Variants in CDH13 observed in about 807,000 individuals in gnomAD.
The protein encoded by CDH13 is cadherin 13.
Under a neutral mutation model 63.8 loss-of-function variants are expected in CDH13, and 24 were observed. The observed-to-expected ratio is 0.38, with a 90% CI of 0.27 to 0.53. The LOEUF (loss-of-function observed/expected upper bound fraction) is 0.53. Among genes scored for constraint, CDH13 ranks in the 20% least tolerant of loss-of-function variants. The pLI is 0.85. For synonymous variants in CDH13, 503 were observed against 355.3 expected, an observed-to-expected ratio of 1.42 and a Z score of -4.67; for missense variants, 1,049 against 903.1, an observed-to-expected ratio of 1.16 and a Z score of -2.07.
chr16:83,294,398 C>A (rs1447976945), intron 5 of CDH13, among the ~76,000 whole-genome samples: 1 of 152,058 alleles, frequency 6.6e-6, no homozygotes, highest in Non-Finnish European at 1.5e-5. Flanking sequence ...CTCCCAATTC[C>A]CTGCAACCAC....
At chr16:83,073,555 C>A (rs531382011) in intron 3 of CDH13, among the ~76,000 whole-genome samples, 17 of 152,158 alleles carry the variant, frequency 1.1e-4, no homozygotes, top group African/African-American at 4.1e-4. Context: ...TGAGCCCTCC[C>A]TAAAACTCTC....
intron 10 of CDH13, among the ~76,000 whole-genome samples, chr16:83,705,468 A>G (rs1344273604): frequency 1.3e-5 from 2 of 152,066 alleles, no homozygotes; most frequent in African/African-American, 4.8e-5. Flanking sequence ...TAAAAATACA[A>G]AAAATTAGCC....
chr16:82,663,848 T>C (rs1373979348), intron 1 of CDH13, among the ~76,000 whole-genome samples: 1 of 152,208 alleles, frequency 6.6e-6, no homozygotes, highest in African/African-American at 2.4e-5. Context: ...CTAGCTTACA[T>C]ACTATGTGAA....
intron 4 of CDH13, among the ~76,000 whole-genome samples, chr16:83,205,899 G>T (rs12932718): frequency 0.91 from 138,470 of 152,186 alleles, 63,976 homozygotes; most frequent in Non-Finnish European, 0.99. Context: ...CACGGTGCCC[G>T]GCCAAAGGAA....
chr16:83,629,400 A>AT (rs1165010240), intron 8 of CDH13, among the ~76,000 whole-genome samples: 23 of 152,302 alleles, frequency 1.5e-4, no homozygotes, highest in Admixed American at 1.0e-3. Flanking sequence ...TTATAAATGA[A>AT]TTTTCCCTCC....
chr16:82,983,410 C>T (rs765070598), intron 2 of CDH13, among the ~76,000 whole-genome samples: 2 of 152,072 alleles, frequency 1.3e-5, no homozygotes, highest in Non-Finnish European at 2.9e-5. Flanking sequence ...GAGATCTGAA[C>T]TTATATGTCA....
At chr16:83,376,165 A>G (rs926332391) in intron 6 of CDH13, among the ~76,000 whole-genome samples, 8 of 152,166 alleles carry the variant, frequency 5.3e-5, no homozygotes, top group African/African-American at 1.4e-4. Flanking sequence ...ATTTTAGCAA[A>G]TGAAGCTGCC....
Position 83,120,797 on chromosome 16 carries a change from C to T in CDH13, c.367-4588C>T, listed in dbSNP as rs540710563. ...TTTTTTTTCTGAGATGGAGTCTCAC[C>T]GTGTCACCCAGGCTGGAGTACAGTG... On this transcript the variant is annotated intron_variant, in intron 3 of 13. Coordinates refer to ENST00000567109, the MANE Select transcript of CDH13 (RefSeq NM_001257.5). Among the ~76,000 whole-genome samples the T allele has an allele frequency of 3.1e-3, 362 of 115,964 alleles. 1 individual carries two copies. Among genetic ancestry groups the T allele is most frequent in the South Asian group, 4.7e-3 (17 of 3,638 alleles). The allele number at this position is 115,964 out of a possible 152,430, so 76.1% of individuals were successfully genotyped here.
intron 2 of CDH13, among the ~76,000 whole-genome samples, chr16:82,962,247 C>G (rs1018721008): frequency 6.6e-6 from 1 of 152,064 alleles, no homozygotes; most frequent in Non-Finnish European, 1.5e-5. Flanking sequence ...GGTGATATAA[C>G]CATAGAGGCA....
chr16:83,668,404 G>A (rs1397908714), intron 8 of CDH13, among the ~76,000 whole-genome samples: 2 of 152,190 alleles, frequency 1.3e-5, no homozygotes, highest in Non-Finnish European at 1.5e-5. Flanking sequence ...CATCTGCTTT[G>A]ACAGAGCAAC....
At chr16:83,683,902 G>C (rs916225512) in intron 10 of CDH13, among the ~76,000 whole-genome samples, 1 of 152,188 alleles carries the variant, frequency 6.6e-6, no homozygotes, top group South Asian at 2.1e-4. Context: ...ATGTACATCA[G>C]GTTCTAAAAC....
chr16:83,602,709 C>T, intron 8 of CDH13, 115 bp downstream of exon 8: 2 of 1,039,398 alleles, frequency 1.9e-6, no homozygotes, highest in Non-Finnish European at 3.0e-6. Context: ...CAAAATACTC[C>T]TTTGTGGGAG....
At chr16:83,683,586 T>G (rs35206862) in intron 10 of CDH13, among the ~76,000 whole-genome samples, 1 of 152,162 alleles carries the variant, frequency 6.6e-6, no homozygotes, top group Non-Finnish European at 1.5e-5. Context: ...TATTATTCCA[T>G]TACAGGGATA....
At chr16:83,333,121 G>A (rs1034734896) in intron 5 of CDH13, among the ~76,000 whole-genome samples, 9 of 152,100 alleles carry the variant, frequency 5.9e-5, no homozygotes, top group African/African-American at 2.2e-4. Flanking sequence ...AAATGAAGGT[G>A]GAGGAATGTT....
chr16:82,876,663 C>T (rs1169076664), intron 2 of CDH13, among the ~76,000 whole-genome samples: 1 of 152,136 alleles, frequency 6.6e-6, no homozygotes, highest in East Asian at 1.9e-4. Flanking sequence ...AACTTAACTC[C>T]AAATACCTTC....
chr16:83,750,053 G>A lies in CDH13; in HGVS notation c.1681+1803G>A, dbSNP rs554551204. Reference sequence around the variant, plus strand: ...TGGCTCATGCCTGTAGTCCCAGAACGTTGGGAGGCTGAGGTGGGTGGATTA... The same window carrying A: ...TGGCTCATGCCTGTAGTCCCAGAACATTGGGAGGCTGAGGTGGGTGGATTA... On this transcript the variant is annotated intron_variant, in intron 11 of 13. Coordinates refer to ENST00000567109, the MANE Select transcript of CDH13 (RefSeq NM_001257.5). Among the ~76,000 whole-genome samples the A allele has an allele frequency of 5.9e-5, 9 of 152,234 alleles. 1 individual carries two copies. In the South Asian group the frequency reaches 1.9e-3, roughly 32 times the overall value.
intron 3 of CDH13, among the ~76,000 whole-genome samples, chr16:83,103,441 T>C (rs1324986820): frequency 1.2e-4 from 18 of 147,492 alleles, no homozygotes; most frequent in Middle Eastern, 7.6e-3. Flanking sequence ...AGATGGGGTT[T>C]CACCATGTTG....
intron 6 of CDH13, among the ~76,000 whole-genome samples, chr16:83,408,185 C>T (rs1383398985): frequency 6.6e-6 from 1 of 152,202 alleles, no homozygotes; most frequent in Non-Finnish European, 1.5e-5. Flanking sequence ...GACTGTATCA[C>T]TCTGATCATC....
At chr16:82,774,788 C>A (rs188957914) in intron 1 of CDH13, among the ~76,000 whole-genome samples, 90 of 152,272 alleles carry the variant, frequency 5.9e-4, no homozygotes, top group African/African-American at 2.0e-3. Flanking sequence ...GTTTAATTCT[C>A]CTTCATGAGA....
Sources: gnomAD v4.1 joint callset for allele counts (sites outside exome capture counted in the v4.1 genomes callset) on GRCh38, gnomAD v4.1.1 for gene constraint, MANE v1.5 for transcripts, NCBI Gene and HGNC (gene_info 2026-07-23, HGNC 2026-07-21) for gene names.